Variants in ASAH2 observed in about 807,000 individuals in gnomAD.
ASAH2 encodes the protein neutral ceramidase.
Under a neutral mutation model 82.9 loss-of-function variants are expected in ASAH2, and 58 were observed. The ratio of observed to expected loss-of-function variants is 0.70; its 90% CI spans 0.57 to 0.87. The LOEUF (loss-of-function observed/expected upper bound fraction) is 0.87, where lower values mean the gene tolerates loss of function less well. Ranked by LOEUF, ASAH2 falls within the 40% of genes least tolerant of loss-of-function variation. ASAH2 has a pLI of 0.00. For synonymous variants in ASAH2, 276 were observed against 289.7 expected (o/e 0.95, Z 0.48); for missense variants, 779 against 834.0 (o/e 0.93, Z 0.81).
At position 50,234,568 on chromosome 10, in the gene ASAH2, G is replaced by T; in HGVS notation, c.688-16C>A. The T allele has an allele frequency of 6.2e-7, 1 of 1,612,566 alleles. No homozygotes were observed. The highest frequency in any genetic ancestry group is 8.5e-7 in the Non-Finnish European group (1 of 1,178,812). ...TGTCAATGCTCTGAAGGTTAAAAAA[G>T]AGGGGGATGTTATAAGCTTAGAAAT... On this transcript the variant is annotated splice_polypyrimidine_tract_variant and intron_variant, in intron 5 of 20. Transcript: ENST00000682911.
rs1206872093 is a variant in ASAH2, at chr10:50,251,404, G to A, written c.-46C>T. Reference sequence around the variant, plus strand: ...ACATAGCTGTCCTTACCTGATTCTAGTACTCAAAAGAGGTTTTGCATCCCA... The same window carrying A: ...ACATAGCTGTCCTTACCTGATTCTAATACTCAAAAGAGGTTTTGCATCCCA... On this transcript the variant is annotated 5_prime_UTR_variant, in exon 1 of 21. Transcript: ENST00000682911. Among the ~76,000 whole-genome samples, 1 of 152,140 alleles carries A rather than the reference G, an allele frequency of 6.6e-6. No homozygotes were observed. The highest frequency in any genetic ancestry group is 1.5e-5 in the Non-Finnish European group (1 of 68,020).
intron 20 of ASAH2, among the ~76,000 whole-genome samples, chr10:50,188,373 G>T (rs1288643084): frequency 6.6e-6 from 1 of 151,810 alleles, no homozygotes; most frequent in South Asian, 2.1e-4. Flanking sequence ...TCTAGACTCA[G>T]TGAGATACAA....
At chr10:50,243,061 A>C (rs940824803) in intron 4 of ASAH2, 141 bp downstream of exon 4, 1 of 984,856 alleles carries the variant, frequency 1.0e-6, no homozygotes, top group Non-Finnish European at 1.5e-6. Flanking sequence ...ATTATCTGCT[A>C]TATTGTCCAG....
chr10:50,235,806 A>G, intron 5 of ASAH2, 82 bp downstream of exon 5: 1 of 1,477,080 alleles, frequency 6.8e-7, no homozygotes, highest in Non-Finnish European at 9.5e-7. Context: ...TCCTATAGGG[A>G]TTCTTTATAT....
chr10:50,207,624 T>C (rs1373482729), intron 12 of ASAH2, among the ~76,000 whole-genome samples: 4 of 96,596 alleles, frequency 4.1e-5, no homozygotes, highest in Non-Finnish European at 7.4e-5. Context: ...CAAGAAGAAA[T>C]AGGCAATCTA....
At chr10:50,213,096 T>A in intron 9 of ASAH2, 38 bp from the exon 10 acceptor site, 1 of 1,515,476 alleles carries the variant, frequency 6.6e-7, no homozygotes, top group Non-Finnish European at 9.2e-7. Flanking sequence ...CTTGGCCAAG[T>A]AAGAAATTAT....
At chr10:50,239,510 C>G (rs1846239302) in intron 4 of ASAH2, among the ~76,000 whole-genome samples, 1 of 152,200 alleles carries the variant, frequency 6.6e-6, no homozygotes, top group Admixed American at 6.5e-5. Context: ...TACTATTTCC[C>G]AATTAGAGCC....
chr10:50,221,780 G>A (rs1252462459), intron 7 of ASAH2, among the ~76,000 whole-genome samples: 1 of 152,046 alleles, frequency 6.6e-6, no homozygotes, highest in Non-Finnish European at 1.5e-5. Flanking sequence ...TGGAATCCTG[G>A]TTCTGTCCCT....
intron 4 of ASAH2, among the ~76,000 whole-genome samples, chr10:50,237,600 A>G (rs1846192771): frequency 6.6e-6 from 1 of 152,192 alleles, no homozygotes; most frequent in South Asian, 2.1e-4. Context: ...ATACAAAGAG[A>G]CTCAGTAAAT....
chr10:50,234,640 G>A (rs1783277423), intron 5 of ASAH2, 88 bp from the exon 6 acceptor site: 2 of 1,581,072 alleles, frequency 1.3e-6, no homozygotes, highest in African/African-American at 1.3e-5. Context: ...AGAGCCCTGT[G>A]AACAATTTCC....
rs1450921497 is a variant in ASAH2 at position 50,201,541 on chromosome 10, A to T, written c.1761+1288T>A. On this transcript the variant is annotated intron_variant, in intron 16 of 20. Transcript: ENST00000682911. ...AGCATATACAGCAGCCAAACAGATG[A>T]GCCACACCCCTGTTGCACATACTGC... is the stretch of plus-strand genomic sequence containing the variant. Among the ~76,000 whole-genome samples, 4 of 152,172 alleles carry T rather than the reference A, an allele frequency of 2.6e-5. No homozygotes were observed. In the East Asian group the frequency reaches 7.8e-4, roughly 30 times the overall value.
At chr10:50,214,996 A>G (rs2133209878) in intron 8 of ASAH2, 128 bp from the exon 9 acceptor site, 6 of 1,201,020 alleles carry the variant, frequency 5.0e-6, no homozygotes, top group Admixed American at 2.4e-5. Flanking sequence ...TAAAAAGAGG[A>G]TATAAAATAT....
At chr10:50,242,173 G>T (rs1423906298) in intron 4 of ASAH2, among the ~76,000 whole-genome samples, 2 of 151,328 alleles carry the variant, frequency 1.3e-5, no homozygotes, top group African/African-American at 4.9e-5. Context: ...TACAGAAAAT[G>T]GAAATACCAA....
chr10:50,206,778 C>G (rs1240100255), intron 12 of ASAH2, among the ~76,000 whole-genome samples: 1 of 151,694 alleles, frequency 6.6e-6, no homozygotes, highest in African/African-American at 2.4e-5. Context: ...TTTTCAATAA[C>G]CCACTCTCAA....
At chr10:50,205,091 C>G (rs1021377239) in intron 13 of ASAH2, 136 bp from the exon 14 acceptor site, 5 of 600,602 alleles carry the variant, frequency 8.3e-6, no homozygotes, top group Non-Finnish European at 1.2e-5. Context: ...GCATTTATGT[C>G]CTAGTCATAA....
At position 50,213,564 on chromosome 10, in the gene ASAH2, T is replaced by C. The variant is rs968304242; in HGVS notation, c.1141-506A>G. Among the ~76,000 whole-genome samples, 194 of 152,224 alleles carry C rather than the reference T, an allele frequency of 1.3e-3. 1 individual carries two copies. Among genetic ancestry groups the C allele is most frequent in the African/African-American group, 4.4e-3 (182 of 41,536 alleles). ...TGAGATTGATCAAGCACTTAAATAT[T>C]ATAAGTGGAATCAAAAAATTACTAA... is the stretch of plus-strand genomic sequence containing the variant. On this transcript the variant is annotated intron_variant, in intron 9 of 20. Transcript: ENST00000682911.
At chr10:50,250,358 A>G (rs1470526792) in intron 1 of ASAH2, among the ~76,000 whole-genome samples, 1 of 152,096 alleles carries the variant, frequency 6.6e-6, no homozygotes, top group Admixed American at 6.6e-5. Flanking sequence ...ATCTTCCCAA[A>G]TTTTCTGGTT....
chr10:50,238,696 G>A (rs954394521), intron 4 of ASAH2, among the ~76,000 whole-genome samples: 1 of 152,120 alleles, frequency 6.6e-6, no homozygotes, highest in African/African-American at 2.4e-5. Context: ...CAACTTTAAA[G>A]CTCCCTAACC....
In ASAH2 at chr10:50,224,704, T is replaced by C. The variant is rs1019878435; in HGVS notation, c.894-6074A>G. On this transcript the variant is annotated intron_variant, in intron 7 of 20. Transcript: ENST00000682911. ...TTCAATGTGTTAAGCCACTGGAATT[T>C]CACATTCTATCTTGTGTGGCACTTG... 6.0e-3 allele frequency among the ~76,000 whole-genome samples: 918 copies of C among 152,328 alleles called. 11 individuals carry two copies. Among genetic ancestry groups the C allele is most frequent in the African/African-American group, 0.02 (833 of 41,584 alleles).
Sources: gnomAD v4.1 joint callset for allele counts (sites outside exome capture counted in the v4.1 genomes callset) on GRCh38, gnomAD v4.1.1 for gene constraint, MANE v1.5 for transcripts, NCBI Gene and HGNC (gene_info 2026-07-23, HGNC 2026-07-21) for gene names.